UROC1: variants seen among roughly 807,000 people sequenced by gnomAD.
UROC1 encodes the protein urocanate hydratase 1.
In UROC1, 79 loss-of-function variants were observed where a neutral mutation model predicts 89.5. The observed-to-expected ratio is 0.88, with a 90% CI of 0.74 to 1.06. The LOEUF (loss-of-function observed/expected upper bound fraction) is 1.06. Among genes scored for constraint, UROC1 ranks in the 50% least tolerant of loss-of-function variants. The pLI, the probability that UROC1 is intolerant of heterozygous loss-of-function variation, is 0.00. For missense variants in UROC1, 885 were observed against 907.8 expected, an observed-to-expected ratio of 0.97 and a Z score of 0.32; for synonymous variants, 361 against 354.8, an observed-to-expected ratio of 1.02 and a Z score of -0.20.
chr3:126,489,929 G>A (rs141884795), intron 16 of UROC1, among the ~76,000 whole-genome samples: 94 of 152,306 alleles, frequency 6.2e-4, no homozygotes, highest in African/African-American at 1.9e-3. Flanking sequence ...TGTTAAGTCC[G>A]AGTGTCCACT....
intron 18 of UROC1, 120 bp from the exon 19 acceptor site, chr3:126,483,588 C>T (rs529416814): frequency 4.4e-5 from 41 of 926,218 alleles, no homozygotes; most frequent in East Asian, 1.1e-4. Flanking sequence ...GCCGCCACAC[C>T]GCCAGCCTCT....
Position 126,505,934 on chromosome 3 carries a change from C to T in UROC1, c.669+11G>A, listed in dbSNP as rs1936047789. The stretch of plus-strand genomic sequence containing the variant: ...GGGAAGCCCACAGCCAGGCGTGGCC[C>T]CATCTCTCACCACAGTGCCATGAAC... On this transcript the variant is annotated intron_variant, in intron 7 of 19. Transcript: ENST00000290868. 2 of 1,613,038 alleles carry T rather than the reference C, an allele frequency of 1.2e-6. No homozygotes were observed. Among genetic ancestry groups the T allele is most frequent in the South Asian group, 2.2e-5 (2 of 91,070 alleles).
chr3:126,501,435 T>A (rs1321374974), intron 9 of UROC1, 155 bp from the exon 10 acceptor site: 2 of 855,542 alleles, frequency 2.3e-6, no homozygotes, highest in Admixed American at 4.3e-5. Context: ...CCATGAAGCA[T>A]GCCTGCAGGA....
intron 11 of UROC1, 83 bp from the exon 12 acceptor site, chr3:126,500,237 C>T: frequency 1.4e-6 from 2 of 1,402,120 alleles, no homozygotes; most frequent in Admixed American, 1.8e-5. Context: ...ACCCGCCATG[C>T]TCCCCACCAA....
At chr3:126,502,247 G>A (rs1935941546) in intron 9 of UROC1, among the ~76,000 whole-genome samples, 1 of 151,456 alleles carries the variant, frequency 6.6e-6, no homozygotes, top group South Asian at 2.1e-4. Context: ...ATGTGTCTGT[G>A]TGTTTATGTG....
chr3:126,514,715 T>C (rs1394660767), intron 1 of UROC1, among the ~76,000 whole-genome samples: 6 of 152,074 alleles, frequency 3.9e-5, no homozygotes, highest in African/African-American at 1.2e-4. Flanking sequence ...GCATAGAATG[T>C]GTTTCTGAAA....
At chr3:126,505,650 A>AG (rs1438808828) in intron 8 of UROC1, 51 bp downstream of exon 8, 3 of 1,389,222 alleles carry the variant, frequency 2.2e-6, no homozygotes, top group Non-Finnish European at 2.9e-6. Flanking sequence ...GGAGGGAGGG[A>AG]GGGAGGGAGG....
rs1324392499 is a variant in UROC1, at chr3:126,496,119, G to C, written c.1439-11C>G. On this transcript the variant is annotated splice_polypyrimidine_tract_variant and intron_variant, in intron 14 of 19. Coordinates refer to ENST00000290868, the MANE Select transcript of UROC1 (RefSeq NM_144639.3). ...TCACAGACACCTTCACTGCAGGAGAGAGGACAGCAGGCGTCAGAGACCCTC... is the reference window on the plus strand; with the variant it reads ...TCACAGACACCTTCACTGCAGGAGACAGGACAGCAGGCGTCAGAGACCCTC... 9 of 1,611,916 alleles carry C rather than the reference G, an allele frequency of 5.6e-6. No homozygotes were observed. Among genetic ancestry groups the C allele is most frequent in the Non-Finnish European group, 6.8e-6 (8 of 1,179,446 alleles).
intron 11 of UROC1, 152 bp from the exon 12 acceptor site, chr3:126,500,306 A>C: frequency 1.3e-6 from 1 of 764,354 alleles, no homozygotes; most frequent in East Asian, 2.7e-5. Context: ...CACACCTGGA[A>C]TGCCCCTGCC....
chr3:126,485,127 T>A (rs1935482942), intron 18 of UROC1, among the ~76,000 whole-genome samples: 1 of 152,156 alleles, frequency 6.6e-6, no homozygotes, highest in African/African-American at 2.4e-5. Flanking sequence ...GAGAAAAACA[T>A]GAAAGTAGAA....
rs575933211 is a variant in UROC1, at chr3:126,511,253, C to T, written c.127-459G>A. On this transcript the variant is annotated intron_variant, in intron 1 of 19. Transcript: ENST00000290868. ...TATATTTTACACACACACATGAACT[C>T]TTTTGATCGTGAGCCATAGGAAGCA... Among the ~76,000 whole-genome samples, 413 of 152,320 alleles carry T rather than the reference C, an allele frequency of 2.7e-3. 1 individual carries two copies. The highest frequency in any genetic ancestry group is 4.7e-3 in the Non-Finnish European group (319 of 68,028).
rs1935397238 is a variant in UROC1 at position 126,481,899 on chromosome 3, CCT to C, written c.*444_*445del. On this transcript the variant is annotated 3_prime_UTR_variant, in exon 20 of 20. Transcript: ENST00000290868. ...CCTGGTCTATCCTCCTTCCCGAACT[CCT>C]CCAGGCCAGCAGCCCAGGGTGCCAG... 1 of 242,640 alleles carries C rather than the reference CCT, an allele frequency of 4.1e-6. No homozygotes were observed. The highest frequency in any genetic ancestry group is 8.2e-6 in the Non-Finnish European group (1 of 121,344). The allele number at this position is 242,640 out of a possible 1,614,324, so 15.0% of individuals were successfully genotyped here.
At chr3:126,511,617 C>T (rs1936198304) in intron 1 of UROC1, among the ~76,000 whole-genome samples, 2 of 152,182 alleles carry the variant, frequency 1.3e-5, no homozygotes, top group Non-Finnish European at 2.9e-5. Context: ...AAAAGTACAA[C>T]AAAGGTTCTG....
rs568537303 is a variant in UROC1, at chr3:126,514,921, C to A, written c.126+2673G>T. ...CACTTTTATACATTCGATTTCTTAT[C>A]ACATAAAATTGTCTTCAAATACATA... On this transcript the variant is annotated intron_variant, in intron 1 of 19. Transcript: ENST00000290868. 2.8e-3 allele frequency among the ~76,000 whole-genome samples: 426 copies of A among 152,086 alleles called. 1 individual carries two copies. The highest frequency in any genetic ancestry group is 4.2e-3 in the Admixed American group (64 of 15,282).
In UROC1 at chr3:126,517,579, G is replaced by T. The variant is rs144425182; in HGVS notation, c.126+15C>A. Reference sequence around the variant, plus strand: ...CTAGAGGCCAAGGCCTCGGGAGCACGGGCCCACTGCTTACCTGTTTCTCCA... The same window carrying T: ...CTAGAGGCCAAGGCCTCGGGAGCACTGGCCCACTGCTTACCTGTTTCTCCA... On this transcript the variant is annotated intron_variant, in intron 1 of 19. Transcript: ENST00000290868. The T allele has an allele frequency of 1.1e-3, 1,743 of 1,612,336 alleles. 12 individuals are homozygous for T. The African/African-American group carries it at 0.019, about 17-fold the overall frequency.
rs1470671833 is a variant in UROC1 at position 126,509,512 on chromosome 3, A to G, written c.351+73T>C. The G allele has an allele frequency of 2.2e-6, 3 of 1,363,772 alleles. No individual in the cohort carries two copies. The African/African-American group carries it at 4.3e-5, about 20-fold the overall frequency. The allele number at this position is 1,363,772 out of a possible 1,614,324, so 84.5% of individuals were successfully genotyped here. On this transcript the variant is annotated intron_variant, in intron 3 of 19. Coordinates refer to ENST00000290868, the MANE Select transcript of UROC1 (RefSeq NM_144639.3). ...ATAATTATCTCAAAATTAAGAGCTT[A>G]AAAGCATGACACGTGTGTCTCGTGT...
intron 6 of UROC1, among the ~76,000 whole-genome samples, chr3:126,507,060 C>T (rs1207160911): frequency 1.3e-5 from 2 of 152,152 alleles, no homozygotes; most frequent in African/African-American, 4.8e-5. Flanking sequence ...GCCTGGGCAA[C>T]AAGAGCAAAA....
rs143795787 is a variant in UROC1 at position 126,482,452 on chromosome 3, C to T, written c.1924G>A (p.Ala642Thr). 1.7e-5 allele frequency: 27 copies of T among 1,614,034 alleles called. No homozygotes were observed. In the Admixed American group the frequency reaches 1.8e-4, roughly 11 times the overall value. The change falls in exon 20 of 20, where the codon GCC becomes ACC. Residue 642 changes from alanine (A) to threonine (T), a missense_variant. Ala to Thr is a moderately conservative substitution (Grantham distance 58, BLOSUM62 0). Coordinates refer to ENST00000290868, the MANE Select transcript of UROC1 (RefSeq NM_144639.3). ...ARRCWSGNQK[A>T]YEIICQTMQE... ...ATGGTCTGGCAGATGATCTCATAGGCCTTCTGGTTCCCTGACCAGCAGCGC... is the reference window on the plus strand; with the variant it reads ...ATGGTCTGGCAGATGATCTCATAGGTCTTCTGGTTCCCTGACCAGCAGCGC...
chr3:126,510,726 G>A lies in UROC1; in HGVS notation c.195C>T (p.Ala65=). The A allele has an allele frequency of 1.2e-6, 2 of 1,614,194 alleles. No individual in the cohort carries two copies. Among genetic ancestry groups the A allele is most frequent in the Non-Finnish European group, 1.7e-6 (2 of 1,180,056 alleles). ...DVQELLAPEF[A]QELQLYGHIY... ...TGTGTCCGTACAGTTGCAGCTCCTGGGCAAACTCTGGGGCCAGCAGCTCCT... is the reference window on the plus strand; with the variant it reads ...TGTGTCCGTACAGTTGCAGCTCCTGAGCAAACTCTGGGGCCAGCAGCTCCT... Residue 65 remains alanine (A), a synonymous_variant, in exon 2 of 20, where the codon GCC becomes GCT. Coordinates refer to ENST00000290868, the MANE Select transcript of UROC1 (RefSeq NM_144639.3).
Sources: allele counts gnomAD v4.1 joint callset (sites outside exome capture counted in the v4.1 genomes callset), GRCh38; gene constraint gnomAD v4.1.1; transcripts MANE v1.5; gene names NCBI Gene and HGNC (gene_info 2026-07-23, HGNC 2026-07-21).